Variants in CUL9 observed in about 807,000 individuals in gnomAD.
CUL9 encodes cullin-9.
CUL9 carries 79 observed loss-of-function variants against 272.6 expected under a neutral mutation model. The observed-to-expected ratio is 0.29, with a 90% CI of 0.24 to 0.35. The LOEUF (loss-of-function observed/expected upper bound fraction) is 0.35, where lower values mean the gene tolerates loss of function less well. CUL9 is among the 10% of genes least tolerant of loss of function. The pLI is 1.00. For missense variants in CUL9, 2,532 were observed against 3,255.6 expected (o/e 0.78, Z 5.41); for synonymous variants, 1,186 against 1,286.5 (o/e 0.92, Z 1.67).
intron 9 of CUL9, among the ~76,000 whole-genome samples, chr6:43,195,609 A>G (rs1256070251): frequency 6.6e-6 from 1 of 152,206 alleles, no homozygotes; most frequent in Non-Finnish European, 1.5e-5. Context: ...GAGAAAAGCC[A>G]GGAGGATGTG....
chr6:43,210,427 CCTT>C (rs113176411), intron 26 of CUL9, among the ~76,000 whole-genome samples: 13,092 of 152,184 alleles, frequency 0.086, 901 homozygotes, highest in East Asian at 0.39. Context: ...TTCATCTGCC[CCTT>C]CTTTATCTGT....
rs1774229734 is a variant in CUL9, at chr6:43,198,656, C to T, written c.2851C>T (p.Leu951=). The T allele has an allele frequency of 2.5e-6, 4 of 1,614,018 alleles. No individual in the cohort carries two copies. Among genetic ancestry groups the T allele is most frequent in the Non-Finnish European group, 3.4e-6 (4 of 1,180,022 alleles). ...GGGTCAGGATGGGTCCCCTGAGCTA[C>T]TGATTCGATCCCTGGTTGGGGGCCC... ...IQGQDGSPEL[L]IRSLVGGPSA... is the part of the protein sequence containing the mutation. The change falls in exon 12 of 41, where the codon CTG becomes TTG. Residue 951 remains leucine (L), a synonymous_variant. Transcript: ENST00000252050.
In CUL9 at chr6:43,203,419, C is replaced by A. The variant is rs552952865; in HGVS notation, c.3852C>A (p.Gly1284=). The change falls in exon 19 of 41, where the codon GGC becomes GGA. Residue 1284 remains glycine (G), a splice_region_variant and synonymous_variant. Coordinates refer to ENST00000252050, the MANE Select transcript of CUL9 (RefSeq NM_015089.4). The surrounding 1 kb of genome is among the most constrained non-coding windows in gnomAD (Gnocchi z 5.0). The part of the protein sequence containing the change: ...IQIRIKRCQQ[G]GIDTRVRGVE... ...AGATAAGTCTGTGCATGTTCCAGGG[C>A]GGCATTGACACCCGGGTTCGGGGTG... 2 of 1,613,654 alleles carry A rather than the reference C, an allele frequency of 1.2e-6. No homozygotes were observed. Among genetic ancestry groups the A allele is most frequent in the East Asian group, 4.5e-5 (2 of 44,900 alleles).
At chr6:43,186,522 A>G in intron 4 of CUL9, 67 bp downstream of exon 4, 1 of 1,528,436 alleles carries the variant, frequency 6.5e-7, no homozygotes, top group African/African-American at 1.4e-5. Context: ...CTGGGACTTC[A>G]TAAGGAGGAC....
chr6:43,220,699 C>T lies in CUL9; in HGVS notation c.6424-48C>T, dbSNP rs1269771000. 1 of 1,603,912 alleles carries T rather than the reference C, an allele frequency of 6.2e-7. No individual in the cohort carries two copies. Among genetic ancestry groups the T allele is most frequent in the African/African-American group, 1.3e-5 (1 of 74,746 alleles). On this transcript the variant is annotated intron_variant, in intron 32 of 40. Coordinates refer to ENST00000252050, the MANE Select transcript of CUL9 (RefSeq NM_015089.4). The surrounding 1 kb of genome is among the most constrained non-coding windows in gnomAD (Gnocchi z 4.9). ...GGGTGCTGGGGGCCTGGAGGTGTGG[C>T]ATCCTGGAGAGCCATACCCTCACCT...
At position 43,186,120 on chromosome 6, in the gene CUL9, G is replaced by A; in HGVS notation, c.916G>A (p.Val306Met). ...GQRELEFSMAVGNLISELVRS... is the reference protein window; with the variant it reads ...GQRELEFSMAMGNLISELVRS... ...GCGGGAACTGGAGTTCAGCATGGCT[G>A]TGGGCAACCTCATCTCTGAGCTTGT... Residue 306 changes from valine (V) to methionine (M), a missense_variant, in exon 4 of 41, where the codon GTG (valine) becomes ATG (methionine). Val to Met is a conservative substitution (Grantham distance 21). Coordinates refer to ENST00000252050, the MANE Select transcript of CUL9 (RefSeq NM_015089.4). 1 of 1,614,260 alleles carries A rather than the reference G, an allele frequency of 6.2e-7. No homozygotes were observed. Among genetic ancestry groups the A allele is most frequent in the Admixed American group, 1.7e-5 (1 of 60,030 alleles).
chr6:43,218,613 G>A lies in CUL9; in HGVS notation c.6283-1846G>A, dbSNP rs148255912. Among the ~76,000 whole-genome samples, 3 of 152,350 alleles carry A rather than the reference G, an allele frequency of 2.0e-5. No individual in the cohort carries two copies. Among genetic ancestry groups the A allele is most frequent in the African/African-American group, 7.2e-5 (3 of 41,590 alleles). On this transcript the variant is annotated intron_variant, in intron 31 of 40. Coordinates refer to ENST00000252050, the MANE Select transcript of CUL9 (RefSeq NM_015089.4). This position sits in a 1 kb window ranked among gnomAD's most constrained non-coding sequence, Gnocchi z 4.4. ...AAGGCCCATTTGGTGACTGTTGTAC[G>A]AGAGACAAGAGATGGTGGTAGTTTG...
At chr6:43,205,508 A>T in intron 24 of CUL9, 85 bp downstream of exon 24, 1 of 1,473,078 alleles carries the variant, frequency 6.8e-7, no homozygotes, top group Non-Finnish European at 9.4e-7. Context: ...GAGATGAGAA[A>T]AGAGGCTGTG....
chr6:43,183,073 G>C (rs1462137915), intron 1 of CUL9, among the ~76,000 whole-genome samples: 1 of 152,182 alleles, frequency 6.6e-6, no homozygotes, highest in Non-Finnish European at 1.5e-5. Context: ...TTGCAGAAGA[G>C]GAAACAAGCT....
At chr6:43,222,698 G>C in intron 37 of CUL9, 57 bp downstream of exon 37, 1 of 1,604,056 alleles carries the variant, frequency 6.2e-7, no homozygotes, top group Non-Finnish European at 8.5e-7. Flanking sequence ...GGTCTGGGGG[G>C]CTTGGCTGCT....
intron 8 of CUL9, 29 bp from the exon 9 acceptor site, chr6:43,192,972 G>A (rs1401921425): frequency 1.9e-6 from 3 of 1,607,588 alleles, no homozygotes; most frequent in Admixed American, 1.7e-5. Flanking sequence ...CCTTGGGATG[G>A]GGAGCCCCAA....
In CUL9 at chr6:43,186,174, A is replaced by G; in HGVS notation, c.970A>G (p.Ser324Gly). The G allele has an allele frequency of 3.7e-6, 6 of 1,614,230 alleles. No homozygotes were observed. Among genetic ancestry groups the G allele is most frequent in the Non-Finnish European group, 5.1e-6 (6 of 1,180,036 alleles). ...GAGCATGGGCTGGGCCCGGAACCTCAGCGAACAGGGCATGTCACCTCCCCG... is the reference window on the plus strand; with the variant it reads ...GAGCATGGGCTGGGCCCGGAACCTCGGCGAACAGGGCATGTCACCTCCCCG... ...VRSMGWARNL[S>G]EQGMSPPRPT... The change falls in exon 4 of 41, where the codon AGC (serine) becomes GGC (glycine). Residue 324 changes from serine to glycine, a missense_variant. By Grantham distance (56) the Ser-to-Gly change is moderately conservative. This residue lies in a region of CUL9 where 2,218 missense variants were observed against 2,788.6 expected (regional missense o/e 0.80). Transcript: ENST00000252050.
In CUL9 at chr6:43,221,301, G is replaced by A. The variant is rs774463845; in HGVS notation, c.6732G>A (p.Glu2244=). 1.2e-6 allele frequency: 2 copies of A among 1,607,376 alleles called. No individual in the cohort carries two copies. ...KRCPSCQAPI[E]KNEGCLHMTC... ...GTCCCAGCTGTCAGGCTCCCATCGAGAAGAACGAGGGGTGCCTGCAGTAAG... is the reference window on the plus strand; with the variant it reads ...GTCCCAGCTGTCAGGCTCCCATCGAAAAGAACGAGGGGTGCCTGCAGTAAG... The change falls in exon 34 of 41, where the codon GAG becomes GAA. Residue 2244 remains glutamate (E), a synonymous_variant. Coordinates refer to ENST00000252050, the MANE Select transcript of CUL9 (RefSeq NM_015089.4). The surrounding 1 kb of genome is among the most constrained non-coding windows in gnomAD (Gnocchi z 4.2).
In CUL9 at chr6:43,203,600, G is replaced by A; in HGVS notation, c.4025+8G>A. The A allele has an allele frequency of 1.2e-6, 2 of 1,611,500 alleles. No individual in the cohort carries two copies. The highest frequency in any genetic ancestry group is 1.7e-6 in the Non-Finnish European group (2 of 1,179,186). On this transcript the variant is annotated splice_region_variant and intron_variant, in intron 19 of 40. Transcript: ENST00000252050. This position sits in a 1 kb window ranked among gnomAD's most constrained non-coding sequence, Gnocchi z 5.0. Reference sequence around the variant, plus strand: ...CCTCCAGCTCTGTCCCAGGTGGGTGGGGCCTGAGGAGGGAAGATGGGTAAG... The same window carrying A: ...CCTCCAGCTCTGTCCCAGGTGGGTGAGGCCTGAGGAGGGAAGATGGGTAAG...
intron 35 of CUL9, 54 bp from the exon 36 acceptor site, chr6:43,222,262 C>A: frequency 6.9e-7 from 1 of 1,457,426 alleles, no homozygotes; most frequent in Non-Finnish European, 9.6e-7. Flanking sequence ...CACTTATTAA[C>A]TCCCTCCTGT....
chr6:43,196,350 G>A, intron 10 of CUL9, 85 bp downstream of exon 10: 1 of 1,329,156 alleles, frequency 7.5e-7, no homozygotes, highest in Non-Finnish European at 1.0e-6. Context: ...GTACTCCACA[G>A]AAATTCCCCT....
rs746015525 is a variant in CUL9, at chr6:43,204,783, G to A, written c.4375G>A (p.Ala1459Thr). Residue 1459 changes from alanine to threonine, a missense_variant, in exon 22 of 41, where the codon GCG (alanine) becomes ACG (threonine). This residue lies in a region of CUL9 where 2,218 missense variants were observed against 2,788.6 expected (regional missense o/e 0.80). Transcript: ENST00000252050. ...KNSKGRDRSPAPSPVLPSSSL... is the reference protein window; with the variant it reads ...KNSKGRDRSPTPSPVLPSSSL... ...CAGCAAGGGTCGGGACCGGAGCCCG[G>A]CGCCTTCGCCAGTGCTTCCAAGCAG... 33 of 1,614,242 alleles carry A rather than the reference G, an allele frequency of 2.0e-5. No homozygotes were observed. In the South Asian group the frequency reaches 3.4e-4, roughly 17 times the overall value.
rs1281250140 is a variant in CUL9 at position 43,199,460 on chromosome 6, T to C, written c.3156+89T>C. The C allele has an allele frequency of 2.3e-5, 23 of 980,252 alleles. No individual in the cohort carries two copies. The highest frequency in any genetic ancestry group is 3.4e-5 in the Non-Finnish European group (21 of 615,650). 60.7% of individuals were successfully genotyped at this position (980,252 alleles called of 1,614,324 possible). ...AGGCTCTGGAGGGCACAGCAGAGCC[T>C]TTCTGAATGGATCTTGGGGCACTGG... On this transcript the variant is annotated intron_variant, in intron 13 of 40. Transcript: ENST00000252050. This position sits in a 1 kb window ranked among gnomAD's most constrained non-coding sequence, Gnocchi z 4.4.
chr6:43,205,517 T>G, intron 24 of CUL9, 94 bp downstream of exon 24: 1 of 1,407,018 alleles, frequency 7.1e-7, no homozygotes, highest in South Asian at 1.3e-5. Context: ...AAAGAGGCTG[T>G]GTAGAGGAGA....
Sources: allele counts gnomAD v4.1 joint callset (sites outside exome capture counted in the v4.1 genomes callset), GRCh38; gene constraint gnomAD v4.1.1; regional missense constraint gnomAD v4.1.1; non-coding constraint Gnocchi (gnomAD v3.1); transcripts MANE v1.5; gene names NCBI Gene and HGNC (gene_info 2026-07-23, HGNC 2026-07-21).